Variants in TRHDE observed in about 807,000 individuals in gnomAD.
TRHDE encodes the protein thyrotropin-releasing hormone-degrading ectoenzyme.
In TRHDE, 72 loss-of-function variants were observed where a neutral mutation model predicts 125.7. The observed-to-expected ratio is 0.57, with a 90% CI of 0.47 to 0.70. The LOEUF (loss-of-function observed/expected upper bound fraction) is 0.70, where lower values mean the gene tolerates loss of function less well. Ranked by LOEUF, TRHDE falls within the 30% of genes least tolerant of loss-of-function variation. The pLI is 0.00. For synonymous variants in TRHDE, 509 were observed against 509.1 expected, an observed-to-expected ratio of 1.00 and a Z score of 0.00; for missense variants, 1,110 against 1,327.1, an observed-to-expected ratio of 0.84 and a Z score of 2.54.
chr12:72,142,203 G>A (rs1284633563), intron 2 of TRHDE, among the ~76,000 whole-genome samples: 1 of 152,174 alleles, frequency 6.6e-6, no homozygotes, highest in Non-Finnish European at 1.5e-5. Context: ...AAGAGTCATG[G>A]GAAAGAGGTA....
In TRHDE at chr12:72,263,297, T is replaced by C. The variant is rs981903522; in HGVS notation, n.280-114698T>C. On this transcript the variant is annotated intron_variant and non_coding_transcript_variant, in intron 2 of 4. Transcript: ENST00000548156. The stretch of plus-strand genomic sequence containing the variant: ...ACTGAAGGAAGACATACTTTAACTA[T>C]CAAAGCTAAAGTTGAAGCATGGGGG... The C allele has an allele frequency of 3.3e-5, 5 of 151,652 alleles. No homozygotes were observed. The East Asian group carries it at 5.8e-4, about 18-fold the overall frequency. The allele number at this position is 151,652 out of a possible 1,614,324, so 9.4% of individuals were successfully genotyped here. A position where few individuals can be genotyped will look rare whatever the true frequency, so the allele number is the denominator to read the frequency against.
intron 5 of TRHDE, among the ~76,000 whole-genome samples, chr12:72,487,007 A>G (rs1373070253): frequency 6.6e-6 from 1 of 152,126 alleles, no homozygotes. Flanking sequence ...GAGTTCAGCT[A>G]TAAATAAAAA....
chr12:72,228,284 G>A (rs1878176881), intron 2 of TRHDE, among the ~76,000 whole-genome samples: 1 of 152,188 alleles, frequency 6.6e-6, no homozygotes, highest in African/African-American at 2.4e-5. Flanking sequence ...CCAAACCTCG[G>A]TTCTTTACTT....
intron 6 of TRHDE, among the ~76,000 whole-genome samples, chr12:72,513,359 T>G (rs903521322): frequency 7.2e-5 from 11 of 152,098 alleles, no homozygotes; most frequent in African/African-American, 2.7e-4. Context: ...CCTTTCTCTT[T>G]GGCCCAAGTA....
chr12:72,449,235 T>C (rs187044278), intron 3 of TRHDE, among the ~76,000 whole-genome samples: 79 of 152,202 alleles, frequency 5.2e-4, no homozygotes, highest in African/African-American at 1.8e-3. Context: ...ACTAAATTTT[T>C]ATATAAACTC....
chr12:72,628,413 A>C (rs1338964483), intron 15 of TRHDE, among the ~76,000 whole-genome samples: 4 of 151,888 alleles, frequency 2.6e-5, no homozygotes, highest in African/African-American at 9.7e-5. Flanking sequence ...AGCTTCCTTC[A>C]CAACATCTTT....
intron 2 of TRHDE, among the ~76,000 whole-genome samples, chr12:72,199,036 G>A (rs935591415): frequency 5.9e-5 from 9 of 152,108 alleles, no homozygotes; most frequent in African/African-American, 2.2e-4. Context: ...ACTATCATGA[G>A]AATAGCATGG....
intron 9 of TRHDE, among the ~76,000 whole-genome samples, chr12:72,566,031 A>G (rs1255453625): frequency 1.3e-5 from 2 of 152,000 alleles, no homozygotes; most frequent in Non-Finnish European, 2.9e-5. Flanking sequence ...TCACTAAACT[A>G]TGTTTAGGGT....
intron 5 of TRHDE, among the ~76,000 whole-genome samples, chr12:72,477,637 A>C (rs1281797758): frequency 6.6e-6 from 1 of 152,214 alleles, no homozygotes; most frequent in East Asian, 1.9e-4. Flanking sequence ...TGTTTCCTCA[A>C]AAGAGATAAA....
chr12:72,383,260 G>T (rs1188178274), intron 3 of TRHDE, among the ~76,000 whole-genome samples: 3 of 151,372 alleles, frequency 2.0e-5, no homozygotes, highest in Non-Finnish European at 4.4e-5. Context: ...GACATATAAA[G>T]AATTGTTATC....
At chr12:72,605,137 A>G (rs1872382690) in intron 12 of TRHDE, among the ~76,000 whole-genome samples, 1 of 152,098 alleles carries the variant, frequency 6.6e-6, no homozygotes, top group South Asian at 2.1e-4. Flanking sequence ...TATCTTCCCT[A>G]TAATACCTCT....
intron 6 of TRHDE, among the ~76,000 whole-genome samples, chr12:72,534,582 A>T (rs1259728912): frequency 6.6e-6 from 1 of 151,918 alleles, no homozygotes; most frequent in African/African-American, 2.4e-5. Flanking sequence ...GCATAAAAAG[A>T]TGATATTGAT....
At chr12:72,305,668 C>G (rs538578212) in intron 2 of TRHDE, among the ~76,000 whole-genome samples, 1 of 152,270 alleles carries the variant, frequency 6.6e-6, no homozygotes, top group East Asian at 1.9e-4. Context: ...CCATTATTAA[C>G]TGGTTGGGCA....
intron 3 of TRHDE, among the ~76,000 whole-genome samples, chr12:72,390,953 C>T (rs940995512): frequency 6.6e-6 from 1 of 151,904 alleles, no homozygotes; most frequent in Non-Finnish European, 1.5e-5. Flanking sequence ...ATATAAAAGG[C>T]GAGTCCTCAG....
chr12:72,397,910 G>T (rs1872867985), intron 3 of TRHDE, among the ~76,000 whole-genome samples: 1 of 151,520 alleles, frequency 6.6e-6, no homozygotes, highest in Admixed American at 6.6e-5. Flanking sequence ...GTATACATAT[G>T]CCATGCTGGT....
chr12:72,127,843 T>C (rs928647974), intron 2 of TRHDE, among the ~76,000 whole-genome samples: 7 of 152,070 alleles, frequency 4.6e-5, no homozygotes, highest in Admixed American at 3.9e-4. Context: ...TGTATATATA[T>C]GTACAGAGAG....
chr12:72,634,836 A>T (rs1351741903), intron 15 of TRHDE, among the ~76,000 whole-genome samples: 1 of 151,540 alleles, frequency 6.6e-6, no homozygotes, highest in Non-Finnish European at 1.5e-5. Context: ...TGAACTCATC[A>T]TTTTTTATGG....
chr12:72,131,346 A>G (rs1875860998), intron 2 of TRHDE, among the ~76,000 whole-genome samples: 1 of 152,078 alleles, frequency 6.6e-6, no homozygotes, highest in African/African-American at 2.4e-5. Flanking sequence ...TGCTGGAATT[A>G]CAGGTGTGAG....
In TRHDE at chr12:72,169,509, T is replaced by G. The variant is rs112094985; in HGVS notation, n.279+63757T>G. 2.3e-3 allele frequency among the ~76,000 whole-genome samples: 343 copies of G among 152,268 alleles called. 2 individuals are homozygous for G. Among genetic ancestry groups the G allele is most frequent in the Middle Eastern group, 0.01 (3 of 294 alleles). ...CCTGGCTGGTAGATGGATTTTTCTC[T>G]GTACCAGTGTGGAGAGAAAGAGATC... On this transcript the variant is annotated intron_variant and non_coding_transcript_variant, in intron 2 of 4. Transcript: ENST00000548156.
Sources: gnomAD v4.1 joint callset for allele counts (sites outside exome capture counted in the v4.1 genomes callset) on GRCh38, gnomAD v4.1.1 for gene constraint, MANE v1.5 for transcripts, NCBI Gene and HGNC (gene_info 2026-07-23, HGNC 2026-07-21) for gene names.